Variants in ARL6IP6 observed in about 807,000 individuals in gnomAD.
ARL6IP6 encodes the protein ADP-ribosylation factor-like protein 6-interacting protein 6.
In ARL6IP6, 22 loss-of-function variants were observed where a neutral mutation model predicts 21.5. That is an observed-to-expected ratio of 1.02 (90% confidence interval 0.73 to 1.46). The LOEUF (loss-of-function observed/expected upper bound fraction) is 1.46, where lower values mean the gene tolerates loss of function less well. ARL6IP6 is among the 40% of genes most tolerant of loss of function. The pLI is 0.00. For synonymous variants in ARL6IP6, 164 were observed against 125.3 expected, an observed-to-expected ratio of 1.31 and a Z score of -2.06; for missense variants, 388 against 299.8, an observed-to-expected ratio of 1.29 and a Z score of -2.17.
intron 1 of ARL6IP6, 65 bp from the exon 2 acceptor site, chr2:152,720,468 G>A (rs1247528011): frequency 6.6e-7 from 1 of 1,507,386 alleles, no homozygotes; most frequent in Non-Finnish European, 9.2e-7. Flanking sequence ...TGCCTTCACA[G>A]CCCTTGAGTT....
At chr2:152,743,523 A>G (rs1307414465) in intron 3 of ARL6IP6, among the ~76,000 whole-genome samples, 3 of 152,190 alleles carry the variant, frequency 2.0e-5, no homozygotes, top group Non-Finnish European at 4.4e-5. Context: ...AAGTCTAGTT[A>G]ATTTGTATAA....
chr2:152,731,101 C>G (rs971332511), intron 2 of ARL6IP6, among the ~76,000 whole-genome samples: 2 of 152,186 alleles, frequency 1.3e-5, no homozygotes, highest in African/African-American at 4.8e-5. Context: ...TTTATCCACA[C>G]TCCTATCCCT....
chr2:152,739,301 A>G (rs1700700323), intron 3 of ARL6IP6, among the ~76,000 whole-genome samples: 1 of 152,204 alleles, frequency 6.6e-6, no homozygotes, highest in African/African-American at 2.4e-5. Flanking sequence ...GAATGCTTTT[A>G]AGAGCACCCA....
intron 3 of ARL6IP6, among the ~76,000 whole-genome samples, chr2:152,748,711 A>AATGAAGTTATTATT (rs1701173635): frequency 6.6e-6 from 1 of 152,230 alleles, no homozygotes; most frequent in Non-Finnish European, 1.5e-5. Context: ...ATCAGCTGGA[A>AATGAAGTTATTATT]ATGAAGTTAT....
At position 152,718,652 on chromosome 2, in the gene ARL6IP6, T is replaced by G; in HGVS notation, c.28T>G (p.Ser10Ala). The G allele has an allele frequency of 4.5e-6, 7 of 1,548,172 alleles. No homozygotes were observed. The highest frequency in any genetic ancestry group is 6.1e-6 in the Non-Finnish European group (7 of 1,146,568). The change falls in exon 1 of 4, where the codon TCG (serine) becomes GCG (alanine). Residue 10 changes from serine to alanine, a missense_variant. Coordinates refer to ENST00000326446, the MANE Select transcript of ARL6IP6 (RefSeq NM_152522.7). ...GTCGTTTGCTGAGAGCGGGTGGCGGTCGGCTCTGCGGCGCCGCGGTCCCGG... is the reference window on the plus strand; with the variant it reads ...GTCGTTTGCTGAGAGCGGGTGGCGGGCGGCTCTGCGGCGCCGCGGTCCCGG... MSFAESGWR[S>A]ALRRRGPGTP...
chr2:152,754,265 T>C (rs1456184707), intron 3 of ARL6IP6, among the ~76,000 whole-genome samples: 1 of 152,150 alleles, frequency 6.6e-6, no homozygotes, highest in African/African-American at 2.4e-5. Flanking sequence ...ACTTTTCGTC[T>C]CTATGGATTT....
intron 2 of ARL6IP6, among the ~76,000 whole-genome samples, chr2:152,733,799 GTTAAT>G (rs1700432958): frequency 6.6e-6 from 1 of 152,010 alleles, no homozygotes; most frequent in Non-Finnish European, 1.5e-5. Context: ...TAGTTATCTT[GTTAAT>G]TTACTTACAT....
At position 152,761,892 on chromosome 2, in the gene ARL6IP6, A is replaced by G. The variant is rs988623432; in HGVS notation, c.*2052A>G. On this transcript the variant is annotated 3_prime_UTR_variant, in exon 4 of 4. Transcript: ENST00000326446. ...ATATATCCTTGTCATTAAGCCAAAC[A>G]TGACTATATATACCTACAAGATATA... Among the ~76,000 whole-genome samples, 1 of 152,202 alleles carries G rather than the reference A, an allele frequency of 6.6e-6. No homozygotes were observed. The highest frequency in any genetic ancestry group is 2.4e-5 in the African/African-American group (1 of 41,460).
chr2:152,751,562 C>T (rs921591465), intron 3 of ARL6IP6, among the ~76,000 whole-genome samples: 9 of 152,120 alleles, frequency 5.9e-5, no homozygotes, highest in Non-Finnish European at 7.4e-5. Flanking sequence ...CGAATAACCA[C>T]AGTTCTACCT....
At chr2:152,734,072 A>T (rs1434673067) in intron 2 of ARL6IP6, among the ~76,000 whole-genome samples, 1 of 152,220 alleles carries the variant, frequency 6.6e-6, no homozygotes, top group East Asian at 1.9e-4. Context: ...CCACAAGAAG[A>T]AGTCATTATC....
At chr2:152,735,184 A>G (rs543403137) in intron 3 of ARL6IP6, 58 bp downstream of exon 3, 1 of 1,578,832 alleles carries the variant, frequency 6.3e-7, no homozygotes, top group East Asian at 2.2e-5. Context: ...TGAAAATACT[A>G]AAATACTCAG....
chr2:152,735,224 A>G, intron 3 of ARL6IP6, 98 bp downstream of exon 3: 1 of 1,367,926 alleles, frequency 7.3e-7, no homozygotes, highest in South Asian at 1.3e-5. Context: ...AGGTATGTTG[A>G]GGTTTCAGTC....
chr2:152,728,208 A>G (rs921038970), intron 2 of ARL6IP6, among the ~76,000 whole-genome samples: 1 of 152,196 alleles, frequency 6.6e-6, no homozygotes, highest in Non-Finnish European at 1.5e-5. Context: ...TAAGTATACC[A>G]GTTTATTTAA....
chr2:152,725,119 G>A (rs867212914), intron 2 of ARL6IP6, among the ~76,000 whole-genome samples: 2 of 152,042 alleles, frequency 1.3e-5, no homozygotes, highest in East Asian at 3.9e-4. Context: ...CTTTCTTAGG[G>A]ATCTTCAAAA....
At chr2:152,738,518 G>A (rs1052840065) in intron 3 of ARL6IP6, among the ~76,000 whole-genome samples, 1 of 152,204 alleles carries the variant, frequency 6.6e-6, no homozygotes, top group Non-Finnish European at 1.5e-5. Context: ...CTGAAATCTA[G>A]GTGGAAGTTG....
intron 3 of ARL6IP6, among the ~76,000 whole-genome samples, chr2:152,753,845 C>T (rs1007743210): frequency 7.2e-5 from 11 of 151,730 alleles, no homozygotes; most frequent in East Asian, 1.9e-4. Context: ...TACAGGCGCT[C>T]GCCACCACGC....
At chr2:152,720,025 A>G in intron 1 of ARL6IP6, 1 of 450,902 alleles carries the variant, frequency 2.2e-6, no homozygotes, top group Non-Finnish European at 4.6e-6. Context: ...TGTGCATAAA[A>G]TGCAAGCTGT....
At chr2:152,758,793 G>T (rs1035428131) in intron 3 of ARL6IP6, among the ~76,000 whole-genome samples, 5 of 152,166 alleles carry the variant, frequency 3.3e-5, no homozygotes, top group Non-Finnish European at 7.4e-5. Context: ...TCAAGTGTTA[G>T]TTCACAGCTA....
At chr2:152,732,849 G>C (rs940651104) in intron 2 of ARL6IP6, among the ~76,000 whole-genome samples, 1 of 151,054 alleles carries the variant, frequency 6.6e-6, no homozygotes, top group Non-Finnish European at 1.5e-5. Context: ...TTGTTATACT[G>C]TATTGGTTTT....
Sources: allele counts gnomAD v4.1 joint callset (sites outside exome capture counted in the v4.1 genomes callset), GRCh38; gene constraint gnomAD v4.1.1; transcripts MANE v1.5; gene names NCBI Gene and HGNC (gene_info 2026-07-23, HGNC 2026-07-21).